ATP8B4: variants seen among roughly 807,000 people sequenced by gnomAD.
The protein encoded by ATP8B4 is probable phospholipid-transporting ATPase IM.
Under a neutral mutation model 145.6 loss-of-function variants are expected in ATP8B4, and 133 were observed. The observed-to-expected ratio is 0.91, with a 90% CI of 0.79 to 1.05. The LOEUF (loss-of-function observed/expected upper bound fraction) is 1.05. Among genes scored for constraint, ATP8B4 ranks in the 50% least tolerant of loss-of-function variants. The pLI is 0.00. For missense variants in ATP8B4, 1,458 were observed against 1,425.2 expected (o/e 1.02, Z -0.37); for synonymous variants, 507 against 492.9 (o/e 1.03, Z -0.38).
At position 50,144,671 on chromosome 15, in the gene ATP8B4, A is replaced by T. The variant is rs187256291; in HGVS notation, c.-43+37590T>A. Among the ~76,000 whole-genome samples, 126 of 152,304 alleles carry T rather than the reference A, an allele frequency of 8.3e-4. 1 individual carries two copies. The highest frequency in any genetic ancestry group is 1.4e-3 in the Admixed American group (22 of 15,302). The stretch of plus-strand genomic sequence containing the variant: ...TAGGGACACAGAGCCAAACTATATC[A>T]CAAAGTTAAGGCATGTTTTCCTTCA... On this transcript the variant is annotated intron_variant, in intron 1 of 3. Transcript: ENST00000558829.
intron 1 of ATP8B4, among the ~76,000 whole-genome samples, chr15:50,175,974 T>C (rs1017151423): frequency 6.6e-5 from 10 of 151,908 alleles, no homozygotes; most frequent in Non-Finnish European, 1.2e-4. Context: ...AATGAGTGGT[T>C]AAAGATACTG....
At chr15:50,087,251 A>T (rs1412290264) in intron 2 of ATP8B4, among the ~76,000 whole-genome samples, 7 of 134,404 alleles carry the variant, frequency 5.2e-5, no homozygotes, top group African/African-American at 1.7e-4. Context: ...ATAGAATAAT[A>T]TATAGATCTA....
At chr15:49,996,337 G>A (rs139979055) in intron 9 of ATP8B4, among the ~76,000 whole-genome samples, 2 of 152,126 alleles carry the variant, frequency 1.3e-5, no homozygotes, top group African/African-American at 4.8e-5. Context: ...GTTAGACCTA[G>A]AACTAGAAAT....
intron 25 of ATP8B4, among the ~76,000 whole-genome samples, chr15:49,866,872 G>A (rs982420555): frequency 2.6e-5 from 4 of 152,162 alleles, no homozygotes; most frequent in African/African-American, 7.2e-5. Flanking sequence ...TAATGGGCAA[G>A]TGCAACATTT....
At chr15:50,041,934 C>T (rs1033078910) in intron 5 of ATP8B4, among the ~76,000 whole-genome samples, 4 of 149,168 alleles carry the variant, frequency 2.7e-5, no homozygotes, top group Non-Finnish European at 4.5e-5. Flanking sequence ...AGCAAAACTC[C>T]GTCTCAAAAC....
intron 1 of ATP8B4, among the ~76,000 whole-genome samples, chr15:50,177,666 C>T (rs567506068): frequency 2.6e-5 from 4 of 152,250 alleles, no homozygotes; most frequent in Admixed American, 6.5e-5. Flanking sequence ...AGGGCTCTAC[C>T]GAGTAGTTTG....
chr15:49,998,319 A>G (rs2047593061), intron 8 of ATP8B4, among the ~76,000 whole-genome samples: 1 of 152,148 alleles, frequency 6.6e-6, no homozygotes, highest in African/African-American at 2.4e-5. Context: ...CGCCACACTG[A>G]CTTCCACAAG....
At chr15:49,870,958 C>T (rs2033583216) in intron 25 of ATP8B4, among the ~76,000 whole-genome samples, 1 of 152,194 alleles carries the variant, frequency 6.6e-6, no homozygotes, top group African/African-American at 2.4e-5. Flanking sequence ...TACTGGTATC[C>T]TAGGTATTCC....
At chr15:50,165,661 G>A (rs11070759) in intron 1 of ATP8B4, among the ~76,000 whole-genome samples, 85,585 of 151,886 alleles carry the variant, frequency 0.56, 24,796 homozygotes, top group East Asian at 0.93. Flanking sequence ...AATTCTGGAA[G>A]TAAAGAAGCA....
chr15:50,012,627 AG>A (rs1336359812), intron 6 of ATP8B4, among the ~76,000 whole-genome samples: 1 of 152,194 alleles, frequency 6.6e-6, no homozygotes, highest in Non-Finnish European at 1.5e-5. Context: ...AGACCATGAG[AG>A]GAAATTGTCT....
At chr15:49,954,694 G>A (rs143286239) in intron 14 of ATP8B4, among the ~76,000 whole-genome samples, 42 of 152,226 alleles carry the variant, frequency 2.8e-4, no homozygotes, top group Middle Eastern at 3.4e-3. Flanking sequence ...GTGAGGCTGC[G>A]GAGAAAAGGG....
At chr15:49,907,598 T>C (rs139140297) in intron 20 of ATP8B4, among the ~76,000 whole-genome samples, 1 of 152,192 alleles carries the variant, frequency 6.6e-6, no homozygotes, top group Admixed American at 6.5e-5. Flanking sequence ...AAGATGCGCA[T>C]GGAACAGTCA....
chr15:50,122,183 A>T (rs2057276688), upstream of ATP8B4, among the ~76,000 whole-genome samples: 1 of 152,202 alleles, frequency 6.6e-6, no homozygotes, highest in Admixed American at 6.6e-5. Context: ...AACTACCTGT[A>T]ACAAGTGGGA....
chr15:49,962,581 T>C (rs1182802689), intron 13 of ATP8B4, among the ~76,000 whole-genome samples: 5 of 152,222 alleles, frequency 3.3e-5, no homozygotes, highest in Admixed American at 6.5e-5. Flanking sequence ...TATGTACTTA[T>C]TATAGATCTA....
At chr15:49,868,182 T>C (rs1043808298) in intron 25 of ATP8B4, among the ~76,000 whole-genome samples, 3 of 152,196 alleles carry the variant, frequency 2.0e-5, no homozygotes, top group Non-Finnish European at 4.4e-5. Flanking sequence ...TCTGGTGACA[T>C]AATCTTTTAT....
intron 2 of ATP8B4, among the ~76,000 whole-genome samples, chr15:50,085,870 T>C (rs1355508741): frequency 2.1e-5 from 1 of 48,346 alleles, no homozygotes; most frequent in African/African-American, 9.7e-5. Context: ...AAACGTATCA[T>C]ATATATTTAT....
chr15:49,859,874 A>G lies in ATP8B4; in HGVS notation c.*320T>C, dbSNP rs2031308788. 2 of 272,488 alleles carry G rather than the reference A, an allele frequency of 7.3e-6. No homozygotes were observed. Among genetic ancestry groups the G allele is most frequent in the East Asian group, 1.5e-4 (2 of 13,234 alleles). The allele number at this position is 272,488 out of a possible 1,614,324, so 16.9% of individuals were successfully genotyped here. On this transcript the variant is annotated 3_prime_UTR_variant, in exon 28 of 28. Transcript: ENST00000284509. ...ATCCATTCAGTGAATATGCAGCTTT[A>G]CAAGTTTTTCTCCATAAATAAGATT...
At chr15:50,077,962 G>A (rs2054290163) in intron 2 of ATP8B4, among the ~76,000 whole-genome samples, 1 of 152,134 alleles carries the variant, frequency 6.6e-6, no homozygotes, top group East Asian at 1.9e-4. Flanking sequence ...AGGCCTGGCA[G>A]AGAAAAAGAC....
chr15:49,937,935 C>T (rs147006246), intron 14 of ATP8B4, among the ~76,000 whole-genome samples: 2 of 152,242 alleles, frequency 1.3e-5, no homozygotes, highest in Admixed American at 6.5e-5. Flanking sequence ...AATGCTATTC[C>T]TGCCCTCAAT....
Sources: allele counts gnomAD v4.1 joint callset (sites outside exome capture counted in the v4.1 genomes callset), GRCh38; gene constraint gnomAD v4.1.1; transcripts MANE v1.5; gene names NCBI Gene and HGNC (gene_info 2026-07-23, HGNC 2026-07-21).